The following TMEM232 variants were observed in gnomAD, a reference collection of about 807,000 sequenced individuals.
The protein encoded by TMEM232 is transmembrane protein 232.
In TMEM232, 80 loss-of-function variants were observed where a neutral mutation model predicts 78.8. The observed-to-expected ratio is 1.01, with a 90% CI of 0.85 to 1.22. The LOEUF (loss-of-function observed/expected upper bound fraction) is 1.22, where lower values mean the gene tolerates loss of function less well. Ranked by LOEUF, TMEM232 falls within the 50% of genes most tolerant of loss-of-function variation. TMEM232 has a pLI of 0.00. For synonymous variants in TMEM232, 297 were observed against 254.3 expected (o/e 1.17, Z -1.60); for missense variants, 881 against 742.2 (o/e 1.19, Z -2.17).
chr5:110,629,954 C>T (rs987549665), intron 5 of TMEM232, among the ~76,000 whole-genome samples: 2 of 152,112 alleles, frequency 1.3e-5, no homozygotes, highest in African/African-American at 4.8e-5. Context: ...ATCTATTCAA[C>T]CCTGAGTTAC....
At chr5:110,448,598 T>A (rs1441486242) in intron 12 of TMEM232, among the ~76,000 whole-genome samples, 2 of 152,002 alleles carry the variant, frequency 1.3e-5, no homozygotes, top group African/African-American at 4.8e-5. Flanking sequence ...CATAATTTAA[T>A]AATATTAATA....
rs1780484249 is a variant in TMEM232 at position 110,598,622 on chromosome 5, C to CAATG, written c.1276+6483_1276+6486dup. Among the ~76,000 whole-genome samples the CAATG allele has an allele frequency of 1.4e-4, 21 of 151,920 alleles. No homozygotes were observed. The South Asian group carries it at 4.4e-3, about 32-fold the overall frequency. On this transcript the variant is annotated intron_variant, in intron 10 of 13. Coordinates refer to ENST00000455884, the MANE Select transcript of TMEM232 (RefSeq NM_001039763.4). The stretch of plus-strand genomic sequence containing the variant: ...ACTTAGAACCAACCCAAATGTCCAA[C>CAATG]AATGATAGACTGGATTAAGAAAATG...
chr5:110,396,565 G>C (rs1434909746), intron 3 of TMEM232, among the ~76,000 whole-genome samples: 1 of 152,088 alleles, frequency 6.6e-6, no homozygotes, highest in Admixed American at 6.6e-5. Context: ...TGTGCAGTAG[G>C]CTTTCTCCCT....
At chr5:110,559,261 A>G (rs72771418) in intron 11 of TMEM232, among the ~76,000 whole-genome samples, 18 of 152,324 alleles carry the variant, frequency 1.2e-4, no homozygotes, top group Non-Finnish European at 2.4e-4. Context: ...ATAGAAAGAT[A>G]TCTTTCTGAC....
chr5:110,499,398 C>T (rs1473764906), intron 12 of TMEM232, among the ~76,000 whole-genome samples: 1 of 152,092 alleles, frequency 6.6e-6, no homozygotes, highest in African/African-American at 2.4e-5. Flanking sequence ...ACTACAGGCA[C>T]ATGCAACCAT....
chr5:110,694,093 A>T (rs1580696153), intron 1 of TMEM232, among the ~76,000 whole-genome samples: 1 of 152,320 alleles, frequency 6.6e-6, no homozygotes, highest in East Asian at 1.9e-4. Context: ...CCATCAGACT[A>T]ACAGCGGATC....
intron 12 of TMEM232, among the ~76,000 whole-genome samples, chr5:110,491,681 A>G (rs969465001): frequency 6.6e-6 from 1 of 152,024 alleles, no homozygotes; most frequent in African/African-American, 2.4e-5. Context: ...CCTTCCATTA[A>G]TTCAAATTAG....
At chr5:110,540,061 G>A (rs1184924396) in intron 11 of TMEM232, among the ~76,000 whole-genome samples, 2 of 152,166 alleles carry the variant, frequency 1.3e-5, no homozygotes, top group South Asian at 4.1e-4. Context: ...CCTCGGAAAT[G>A]AGAGAAACCT....
intron 4 of TMEM232, among the ~76,000 whole-genome samples, chr5:110,639,305 G>A (rs1338832387): frequency 1.3e-5 from 2 of 152,188 alleles, no homozygotes; most frequent in African/African-American, 4.8e-5. Flanking sequence ...TGTGAAGAGA[G>A]TAAGAAGTCA....
rs1011626745 is a variant in TMEM232 at position 110,626,448 on chromosome 5, T to C, written c.602-1015A>G. Among the ~76,000 whole-genome samples the C allele has an allele frequency of 7.2e-5, 11 of 152,190 alleles. No individual in the cohort carries two copies. In the South Asian group the frequency reaches 8.3e-4, roughly 11 times the overall value. On this transcript the variant is annotated intron_variant, in intron 6 of 13. Coordinates refer to ENST00000455884, the MANE Select transcript of TMEM232 (RefSeq NM_001039763.4). ...ACTTATGCTAATGGTACTAATTGAT[T>C]AGTCTCCATAACACTTCTGCTATTA...
intron 12 of TMEM232, among the ~76,000 whole-genome samples, chr5:110,509,863 A>G (rs1362530369): frequency 4.6e-5 from 7 of 152,186 alleles, no homozygotes; most frequent in Non-Finnish European, 1.0e-4. Flanking sequence ...TGTCCTTGAA[A>G]TCAACATCTC....
chr5:110,392,351 A>G (rs1442641545), intron 3 of TMEM232, among the ~76,000 whole-genome samples: 3 of 152,234 alleles, frequency 2.0e-5, no homozygotes, highest in African/African-American at 7.2e-5. Context: ...GCATCTTGGT[A>G]AACGGATAAA....
intron 1 of TMEM232, among the ~76,000 whole-genome samples, chr5:110,706,595 G>A (rs149592427): frequency 3.3e-5 from 5 of 152,156 alleles, no homozygotes; most frequent in Non-Finnish European, 5.9e-5. Context: ...CTGACTGACT[G>A]AGGGCTTTTC....
At chr5:110,633,869 CAG>C (rs1434135353) in intron 5 of TMEM232, among the ~76,000 whole-genome samples, 1 of 152,022 alleles carries the variant, frequency 6.6e-6, no homozygotes, top group East Asian at 1.9e-4. Context: ...TAAATGTAAA[CAG>C]AATAAATTCT....
At chr5:110,563,814 C>T (rs1436671022) in intron 11 of TMEM232, among the ~76,000 whole-genome samples, 2 of 151,848 alleles carry the variant, frequency 1.3e-5, no homozygotes, top group Non-Finnish European at 2.9e-5. Flanking sequence ...AGCTGAAGCA[C>T]AGTTGCATAA....
intron 1 of TMEM232, among the ~76,000 whole-genome samples, chr5:110,674,369 T>C (rs993289473): frequency 1.3e-5 from 2 of 152,166 alleles, no homozygotes; most frequent in African/African-American, 4.8e-5. Context: ...TTAATTTGCA[T>C]GAATGTGAAA....
At chr5:110,449,714 G>A (rs916911225) in intron 12 of TMEM232, among the ~76,000 whole-genome samples, 3 of 152,030 alleles carry the variant, frequency 2.0e-5, no homozygotes, top group Non-Finnish European at 4.4e-5. Context: ...AATAACTATG[G>A]AGCACCTACT....
intron 8 of TMEM232, among the ~76,000 whole-genome samples, chr5:110,607,836 G>A (rs1781703586): frequency 6.6e-6 from 1 of 151,842 alleles, no homozygotes; most frequent in Non-Finnish European, 1.5e-5. Context: ...TGCTTGTAAT[G>A]CATATATTCC....
chr5:110,439,326 T>C (rs2112742616), intron 12 of TMEM232, among the ~76,000 whole-genome samples: 1 of 152,274 alleles, frequency 6.6e-6, no homozygotes, highest in South Asian at 2.1e-4. Flanking sequence ...ACATTAAAAA[T>C]ATATTGTAAC....
Sources: allele counts gnomAD v4.1 joint callset (sites outside exome capture counted in the v4.1 genomes callset), GRCh38; gene constraint gnomAD v4.1.1; transcripts MANE v1.5; gene names NCBI Gene and HGNC (gene_info 2026-07-23, HGNC 2026-07-21).